The following IGF1R variants were observed in gnomAD, a reference collection of about 807,000 sequenced individuals.
IGF1R encodes the protein insulin-like growth factor 1 receptor.
In IGF1R, 44 loss-of-function variants were observed where a neutral mutation model predicts 144.6. That is an observed-to-expected ratio of 0.30 (90% CI 0.24 to 0.39). The LOEUF is 0.39. Among genes scored for constraint, IGF1R ranks in the 10% least tolerant of loss-of-function variants. IGF1R has a pLI of 1.00. For synonymous variants in IGF1R, 795 were observed against 722.8 expected, an observed-to-expected ratio of 1.10 and a Z score of -1.60; for missense variants, 1,355 against 1,833.7, an observed-to-expected ratio of 0.74 and a Z score of 4.77.
chr15:98,701,985 G>C (rs1332552917), intron 1 of IGF1R, among the ~76,000 whole-genome samples: 1 of 151,544 alleles, frequency 6.6e-6, no homozygotes, highest in African/African-American at 2.4e-5. Flanking sequence ...GTGTCTGCCT[G>C]AGAGCAGGAG....
chr15:98,961,990 A>T lies in IGF1R; in HGVS notation c.*4548A>T, dbSNP rs2017245508. 4.3e-6 allele frequency: 1 copy of T among 233,210 alleles called. No homozygotes were observed. The highest frequency in any genetic ancestry group is 2.2e-5 in the African/African-American group (1 of 45,344). The allele number at this position is 233,210 out of a possible 1,614,324, so 14.4% of individuals were successfully genotyped here. Reference sequence around the variant, plus strand: ...TGCACATTGGGGTGCTTTGGGATAAAAGATTTATGAGCCAACTATTCTCTG... The same window carrying T: ...TGCACATTGGGGTGCTTTGGGATAATAGATTTATGAGCCAACTATTCTCTG... On this transcript the variant is annotated 3_prime_UTR_variant, in exon 21 of 21. Coordinates refer to ENST00000650285, the MANE Select transcript of IGF1R (RefSeq NM_000875.5).
At chr15:98,792,014 T>C (rs1216726013) in intron 2 of IGF1R, among the ~76,000 whole-genome samples, 2 of 152,148 alleles carry the variant, frequency 1.3e-5, no homozygotes, top group African/African-American at 4.8e-5. Context: ...TTTAGACAAT[T>C]CTCCCTGTTT....
intron 5 of IGF1R, among the ~76,000 whole-genome samples, chr15:98,904,173 T>C (rs1184776667): frequency 6.6e-6 from 1 of 150,450 alleles, no homozygotes; most frequent in Non-Finnish European, 1.5e-5. Context: ...TGCCTCAGCC[T>C]CCCGAGTAGC....
chr15:98,711,289 C>T (rs1047786817), intron 2 of IGF1R, among the ~76,000 whole-genome samples: 9 of 152,202 alleles, frequency 5.9e-5, no homozygotes, highest in African/African-American at 1.2e-4. Flanking sequence ...CTTCTGTTGG[C>T]TGGCTGTAGA....
chr15:98,652,674 G>C (rs1192375023), intron 1 of IGF1R, among the ~76,000 whole-genome samples: 3 of 152,136 alleles, frequency 2.0e-5, no homozygotes. Flanking sequence ...ACCACATATC[G>C]TATGATCCGG....
chr15:98,747,755 T>C (rs2054905413), intron 2 of IGF1R, among the ~76,000 whole-genome samples: 1 of 152,236 alleles, frequency 6.6e-6, no homozygotes, highest in Admixed American at 6.5e-5. Context: ...TATAAAGTTC[T>C]GCTGTATTTC....
intron 2 of IGF1R, among the ~76,000 whole-genome samples, chr15:98,724,231 C>T (rs1229433481): frequency 6.6e-6 from 1 of 152,190 alleles, no homozygotes; most frequent in East Asian, 1.9e-4. Flanking sequence ...CACTTATGAA[C>T]CAAGAACCTG....
At chr15:98,818,375 A>G (rs1372272714) in intron 2 of IGF1R, among the ~76,000 whole-genome samples, 1 of 152,204 alleles carries the variant, frequency 6.6e-6, no homozygotes, top group Non-Finnish European at 1.5e-5. Flanking sequence ...GAGAAGCACA[A>G]GAGTGGCACA....
At chr15:98,912,970 G>A in intron 7 of IGF1R, 74 bp from the exon 8 acceptor site, 1 of 925,024 alleles carries the variant, frequency 1.1e-6, no homozygotes, top group East Asian at 2.4e-5. Flanking sequence ...GTGACATGCT[G>A]GGCCTCTGGG....
At chr15:98,671,321 C>T (rs536745610) in intron 1 of IGF1R, among the ~76,000 whole-genome samples, 25 of 152,216 alleles carry the variant, frequency 1.6e-4, no homozygotes, top group Non-Finnish European at 2.6e-4. Context: ...TTTAGGGTCC[C>T]GAGTCCATTC....
intron 2 of IGF1R, among the ~76,000 whole-genome samples, chr15:98,759,554 C>A (rs1000953770): frequency 6.6e-6 from 1 of 152,222 alleles, no homozygotes; most frequent in Non-Finnish European, 1.5e-5. Context: ...GAAATAGCTT[C>A]ATGTCCTTGC....
chr15:98,744,417 G>C (rs1339084937), intron 2 of IGF1R, among the ~76,000 whole-genome samples: 2 of 152,102 alleles, frequency 1.3e-5, no homozygotes, highest in Non-Finnish European at 2.9e-5. Context: ...GATGAATGAA[G>C]TGATGGCTGG....
chr15:98,660,410 A>G (rs1379424176), intron 1 of IGF1R: 1 of 152,098 alleles, frequency 6.6e-6, no homozygotes, highest in Admixed American at 6.5e-5. Context: ...TCTCCCCCAT[A>G]TTGCTTTCCC....
At chr15:98,875,391 TAC>T in intron 2 of IGF1R, among the ~76,000 whole-genome samples, 1 of 151,638 alleles carries the variant, frequency 6.6e-6, no homozygotes, top group Non-Finnish European at 1.5e-5. Flanking sequence ...TTTGGGTTTT[TAC>T]GGTGTTCAGG....
At chr15:98,901,390 C>T (rs562864642) in intron 5 of IGF1R, among the ~76,000 whole-genome samples, 12 of 152,280 alleles carry the variant, frequency 7.9e-5, no homozygotes, top group African/African-American at 2.2e-4. Context: ...TTTTACCTCC[C>T]GATGGGAAGT....
Position 98,649,520 on chromosome 15 carries a change from CTTTTCTTTTTTT to C in IGF1R, c.-57_-46del, listed in dbSNP as rs933702035. 119 of 858,082 alleles carry C rather than the reference CTTTTCTTTTTTT, an allele frequency of 1.4e-4. No individual in the cohort carries two copies. Among genetic ancestry groups the C allele is most frequent in the East Asian group, 7.4e-4 (24 of 32,554 alleles). The allele number at this position is 858,082 out of a possible 1,614,324, so 53.2% of individuals were successfully genotyped here. A position where few individuals can be genotyped will look rare whatever the true frequency, so the allele number is the denominator to read the frequency against. On this transcript the variant is annotated 5_prime_UTR_variant, in exon 1 of 21. Transcript: ENST00000650285. ...TCCTTTCATTTCCTTTTTTTCTTTT[CTTTTCTTTTTTT>C]TTTTTTTTTTTTTTTTTGAGAAAGG...
At chr15:98,661,928 G>A (rs1349577918) in intron 1 of IGF1R, among the ~76,000 whole-genome samples, 1 of 149,368 alleles carries the variant, frequency 6.7e-6, no homozygotes, top group East Asian at 2.0e-4. Context: ...CCACAACACT[G>A]GGGAATTGCT....
chr15:98,955,423 A>G lies in IGF1R; in HGVS notation c.3723-1638A>G, dbSNP rs559062633. Among the ~76,000 whole-genome samples the G allele has an allele frequency of 2.6e-5, 4 of 152,258 alleles. No homozygotes were observed. The South Asian group carries it at 8.3e-4, about 31-fold the overall frequency. On this transcript the variant is annotated intron_variant, in intron 20 of 20. Coordinates refer to ENST00000650285, the MANE Select transcript of IGF1R (RefSeq NM_000875.5). Reference sequence around the variant, plus strand: ...AAACATTTTTAGACTTGCAGGCCACAGTCTCTGTCCTAATGTCCTCAGCTG... The same window carrying G: ...AAACATTTTTAGACTTGCAGGCCACGGTCTCTGTCCTAATGTCCTCAGCTG...
At chr15:98,913,682 C>T (rs971657893) in intron 8 of IGF1R, among the ~76,000 whole-genome samples, 1 of 152,214 alleles carries the variant, frequency 6.6e-6, no homozygotes, top group African/African-American at 2.4e-5. Flanking sequence ...TTTCCATCTT[C>T]ATTCTGGAGC....
Sources: gnomAD v4.1 joint callset for allele counts (sites outside exome capture counted in the v4.1 genomes callset) on GRCh38, gnomAD v4.1.1 for gene constraint, MANE v1.5 for transcripts, NCBI Gene and HGNC (gene_info 2026-07-23, HGNC 2026-07-21) for gene names.